TENM2: variants seen among roughly 807,000 people sequenced by gnomAD.
TENM2 encodes the protein teneurin-2.
A neutral mutation model predicts 245.2 loss-of-function variants in TENM2; 52 were observed. That is an observed-to-expected ratio of 0.21 (90% CI 0.17 to 0.27). The LOEUF (loss-of-function observed/expected upper bound fraction) is 0.27, where lower values mean the gene tolerates loss of function less well. Among genes scored for constraint, TENM2 ranks in the 10% least tolerant of loss-of-function variants. The pLI, the probability that TENM2 is intolerant of heterozygous loss-of-function variation, is 1.00. For synonymous variants in TENM2, 1,363 were observed against 1,438.9 expected, an observed-to-expected ratio of 0.95 and a Z score of 1.19; for missense variants, 3,046 against 3,666.8, an observed-to-expected ratio of 0.83 and a Z score of 4.37.
the TENM2 span, among the ~76,000 whole-genome samples, chr5:167,135,041 G>A: frequency 1.3e-5 from 2 of 152,230 alleles, no homozygotes; most frequent in Non-Finnish European, 2.9e-5. Context: ...TGCATACACA[G>A]TGTACATTAT....
At chr5:167,671,714 A>T (rs1755954161) in intron 2 of TENM2, among the ~76,000 whole-genome samples, 1 of 151,078 alleles carries the variant, frequency 6.6e-6, no homozygotes, top group South Asian at 2.1e-4. Flanking sequence ...TATTCTACGT[A>T]AATAAAATCT....
intron 27 of TENM2, 61 bp from the exon 30 acceptor site, chr5:168,260,222 T>C: frequency 6.3e-7 from 1 of 1,592,918 alleles, no homozygotes; most frequent in Non-Finnish European, 8.6e-7. Context: ...CTCTTTAAGC[T>C]CTGCTGCTGC....
At chr5:167,377,086 T>C (rs1186569089) in intron 2 of TENM2, among the ~76,000 whole-genome samples, 1 of 152,050 alleles carries the variant, frequency 6.6e-6, no homozygotes, top group East Asian at 1.9e-4. Flanking sequence ...AAAAAACTCA[T>C]CTAATAAGGG....
At chr5:168,174,913 G>A (rs1414518307) in intron 13 of TENM2, among the ~76,000 whole-genome samples, 4 of 152,182 alleles carry the variant, frequency 2.6e-5, no homozygotes, top group East Asian at 1.9e-4. Context: ...GGAGTTTGCT[G>A]GGAGAGAGCA....
At chr5:168,070,259 G>A (rs1011835731) in intron 7 of TENM2, among the ~76,000 whole-genome samples, 1 of 152,178 alleles carries the variant, frequency 6.6e-6, no homozygotes, top group African/African-American at 2.4e-5. Flanking sequence ...GAGCATAGTT[G>A]CAAATATAAC....
intron 3 of TENM2, among the ~76,000 whole-genome samples, chr5:167,903,961 G>T (rs1372874077): frequency 6.6e-6 from 1 of 152,182 alleles, no homozygotes. Flanking sequence ...GAGGATTGCA[G>T]AGTGGCAAGA....
the TENM2 span, among the ~76,000 whole-genome samples, chr5:167,108,683 A>G: frequency 6.6e-6 from 1 of 152,240 alleles, no homozygotes. Context: ...TTGCACAAGT[A>G]GGTTCTCATC....
At chr5:167,638,114 TGTG>T (rs1779331506) in intron 2 of TENM2, among the ~76,000 whole-genome samples, 1 of 149,712 alleles carries the variant, frequency 6.7e-6, no homozygotes, top group Admixed American at 6.6e-5. Context: ...TGTGTGTGTG[TGTG>T]TGTGTGTGTG....
At chr5:167,966,858 A>C (rs1781421220) in intron 4 of TENM2, 1 of 152,196 alleles carries the variant, frequency 6.6e-6, no homozygotes, top group South Asian at 2.1e-4. Context: ...AGCACTTTCA[A>C]ATCAATAGGC....
chr5:167,827,969 A>G (rs1192606704), intron 2 of TENM2, among the ~76,000 whole-genome samples: 1 of 152,048 alleles, frequency 6.6e-6, no homozygotes, highest in African/African-American at 2.4e-5. Context: ...CAAATGCCAC[A>G]CCCACCTTGC....
chr5:167,297,745 T>C (rs1267983826), intron 1 of TENM2, among the ~76,000 whole-genome samples: 4 of 151,676 alleles, frequency 2.6e-5, no homozygotes, highest in African/African-American at 4.8e-5. Context: ...CAAAGGGAGA[T>C]AGGGGTGGGG....
In TENM2 at chr5:167,782,313, CAAAAAAAAA is replaced by C. The variant is rs767675565; in HGVS notation, c.503-93655_503-93647del. ...GGGCAACAAGAGCAAAACTCTGTCT[CAAAAAAAAA>C]AAAAAAAAAAAAAAAAATTAAAAAG... On this transcript the variant is annotated intron_variant, in intron 2 of 28. Transcript: ENST00000518659. 2.7e-4 allele frequency among the ~76,000 whole-genome samples: 16 copies of C among 58,772 alleles called. 1 individual carries two copies. In the Admixed American group the frequency reaches 2.8e-3, roughly 10 times the overall value. The allele number at this position is 58,772 out of a possible 152,430, so 38.6% of individuals were successfully genotyped here. A position where few individuals can be genotyped will look rare whatever the true frequency, so the allele number is the denominator to read the frequency against.
chr5:168,125,034 T>A (rs1795743895), exon 11 of TENM2: 1 of 1,607,422 alleles, frequency 6.2e-7, no homozygotes, highest in African/African-American at 1.3e-5. Flanking sequence ...ACTGGATGGG[T>A]CCCGACTGCT....
At chr5:167,544,655 T>G (rs1035419) in intron 2 of TENM2, among the ~76,000 whole-genome samples, 3,966 of 152,306 alleles carry the variant, frequency 0.026, 165 homozygotes, top group East Asian at 0.19. Flanking sequence ...TATTATTCAT[T>G]TATTCATCCA....
In TENM2 at chr5:168,191,390, A is replaced by ATGGCT. The variant is rs908152433; in HGVS notation, c.2780+848_2780+852dup. Among the ~76,000 whole-genome samples, 6 of 152,116 alleles carry ATGGCT rather than the reference A, an allele frequency of 3.9e-5. 1 individual carries two copies. Among genetic ancestry groups the ATGGCT allele is most frequent in the Non-Finnish European group, 8.8e-5 (6 of 68,022 alleles). On this transcript the variant is annotated intron_variant, in intron 14 of 28. Coordinates refer to ENST00000518659, the Ensembl canonical transcript of TENM2. ...GGTAGGAGAGGCTGGGGGTCTTCTT[A>ATGGCT]TGGCTTGGCCATGCTTGATCTTCCT...
At chr5:167,351,432 T>G (rs2127845179) in intron 1 of TENM2, among the ~76,000 whole-genome samples, 1 of 152,252 alleles carries the variant, frequency 6.6e-6, no homozygotes, top group South Asian at 2.1e-4. Flanking sequence ...TGACACACAT[T>G]ACTTCTGCTT....
chr5:167,461,867 G>A (rs1336352348), intron 2 of TENM2, among the ~76,000 whole-genome samples: 2 of 151,966 alleles, frequency 1.3e-5, no homozygotes, highest in Non-Finnish European at 2.9e-5. Context: ...CTAATTTTAG[G>A]TAACTATTGC....
chr5:168,098,628 G>T (rs1043219743), intron 9 of TENM2, among the ~76,000 whole-genome samples: 1 of 152,112 alleles, frequency 6.6e-6, no homozygotes, highest in African/African-American at 2.4e-5. Context: ...TGGGGGAAAG[G>T]TAATATAAGA....
intron 2 of TENM2, among the ~76,000 whole-genome samples, chr5:167,380,340 G>T (rs187679201): frequency 1.3e-5 from 2 of 152,124 alleles, no homozygotes; most frequent in African/African-American, 4.8e-5. Context: ...TGATATGAAA[G>T]CTAGAAGTGA....
Sources: allele counts gnomAD v4.1 joint callset (sites outside exome capture counted in the v4.1 genomes callset), GRCh38; gene constraint gnomAD v4.1.1; transcripts MANE v1.5; gene names NCBI Gene and HGNC (gene_info 2026-07-23, HGNC 2026-07-21).